The following DMTF1 variants were observed in gnomAD, a reference collection of about 807,000 sequenced individuals.
DMTF1 encodes cyclin D binding myb like transcription factor 1.
In DMTF1, 39 loss-of-function variants were observed where a neutral mutation model predicts 91.1. The observed-to-expected ratio is 0.43, with a 90% CI of 0.33 to 0.56. DMTF1 has a LOEUF of 0.56. DMTF1 is among the 20% of genes least tolerant of loss of function. DMTF1 has a pLI of 0.05. For synonymous variants in DMTF1, 338 were observed against 309.5 expected, an observed-to-expected ratio of 1.09 and a Z score of -0.97; for missense variants, 750 against 914.5, an observed-to-expected ratio of 0.82 and a Z score of 2.32.
chr7:87,184,758 G>A, intron 11 of DMTF1, 133 bp downstream of exon 11: 1 of 792,170 alleles, frequency 1.3e-6, no homozygotes, highest in Non-Finnish European at 2.2e-6. Flanking sequence ...TACTGTTTAA[G>A]ATCTTAAGTA....
At chr7:87,178,142 T>C (rs1796620365) in intron 7 of DMTF1, among the ~76,000 whole-genome samples, 1 of 152,142 alleles carries the variant, frequency 6.6e-6, no homozygotes, top group Admixed American at 6.5e-5. Context: ...TTAGTTCCTC[T>C]TCAGTATCAA....
chr7:87,188,021 A>G (rs1015355729), intron 12 of DMTF1, 71 bp from the exon 13 acceptor site: 2 of 1,249,050 alleles, frequency 1.6e-6, no homozygotes, highest in Admixed American at 3.5e-5. Flanking sequence ...ACCTCCCCCC[A>G]CCTCCCTTGC....
In DMTF1 at chr7:87,172,889, G is replaced by A. The variant is rs530520621; in HGVS notation, c.328-646G>A. 4.2e-4 allele frequency among the ~76,000 whole-genome samples: 64 copies of A among 152,352 alleles called. 1 individual carries two copies. The South Asian group carries it at 0.013, about 30-fold the overall frequency. ...TGGTGGTTGCACAGAAGACTTAGCT[G>A]CATTAAGAATAAGTAGTACCATATA... On this transcript the variant is annotated intron_variant, in intron 5 of 17. Transcript: ENST00000331242.
intron 3 of DMTF1, among the ~76,000 whole-genome samples, chr7:87,165,604 G>C (rs1262423699): frequency 6.6e-6 from 1 of 152,118 alleles, no homozygotes; most frequent in African/African-American, 2.4e-5. Flanking sequence ...TTCAAAGTTA[G>C]GATTTTAAGT....
At chr7:87,160,246 C>T (rs931328423) in intron 1 of DMTF1, among the ~76,000 whole-genome samples, 1 of 149,772 alleles carries the variant, frequency 6.7e-6, no homozygotes, top group East Asian at 1.9e-4. Context: ...AGCTAAACTT[C>T]GTGAAAAAAG....
intron 7 of DMTF1, among the ~76,000 whole-genome samples, chr7:87,177,905 G>A (rs553825678): frequency 5.3e-5 from 8 of 152,242 alleles, no homozygotes; most frequent in African/African-American, 1.9e-4. Flanking sequence ...GTACAGCGCT[G>A]TCTTCAGAAA....
At chr7:87,153,673 A>G (rs1048112347) in intron 1 of DMTF1, among the ~76,000 whole-genome samples, 14 of 152,030 alleles carry the variant, frequency 9.2e-5, no homozygotes, top group African/African-American at 3.4e-4. Context: ...CTCCTTTCTG[A>G]CAGTCGAGGC....
chr7:87,194,152 A>T, intron 16 of DMTF1, 50 bp downstream of exon 16: 1 of 1,505,426 alleles, frequency 6.6e-7, no homozygotes. Flanking sequence ...TTGAGCCTCA[A>T]ACCTGCAGTT....
rs1268936927 is a variant in DMTF1 at position 87,163,484 on chromosome 7, T to G, written c.-131-11T>G. On this transcript the variant is annotated splice_polypyrimidine_tract_variant and intron_variant, in intron 1 of 17. Transcript: ENST00000331242. Reference sequence around the variant, plus strand: ...TAAGCCTTATTGTGTGTAATGCTGTTACTTTTTCAGAGTGTTGCGGAGATA... The same window carrying G: ...TAAGCCTTATTGTGTGTAATGCTGTGACTTTTTCAGAGTGTTGCGGAGATA... 1.3e-5 allele frequency: 2 copies of G among 152,284 alleles called. No homozygotes were observed. Among genetic ancestry groups the G allele is most frequent in the Non-Finnish European group, 2.9e-5 (2 of 68,056 alleles). 9.4% of individuals were successfully genotyped at this position (152,284 alleles called of 1,614,324 possible).
intron 13 of DMTF1, 30 bp downstream of exon 13, chr7:87,188,331 T>G (rs768479803): frequency 1.9e-6 from 3 of 1,610,390 alleles, no homozygotes. Flanking sequence ...GATTCCTTGC[T>G]GTTTGATCTA....
intron 7 of DMTF1, among the ~76,000 whole-genome samples, chr7:87,178,469 TATGA>T (rs1796700028): frequency 6.6e-6 from 1 of 152,108 alleles, no homozygotes; most frequent in Non-Finnish European, 1.5e-5. Context: ...TATTGAATTT[TATGA>T]ATGTTTTTCC....
chr7:87,184,333 G>C lies in DMTF1; in HGVS notation c.821-64G>C, dbSNP rs73206994. ...TACTTCCTATCAGTCCTTGTAAATA[G>C]AGGGCTGAATCAGATTTGTAAAAGA... On this transcript the variant is annotated intron_variant, in intron 10 of 17. Coordinates refer to ENST00000331242, the MANE Select transcript of DMTF1 (RefSeq NM_001142327.2). 0.034 allele frequency: 48,948 copies of C among 1,450,256 alleles called. 944 individuals carry two copies. Among genetic ancestry groups the C allele is most frequent in the East Asian group, 0.058 (2,486 of 42,782 alleles). 89.8% of individuals were successfully genotyped at this position (1,450,256 alleles called of 1,614,324 possible).
chr7:87,195,343 G>A lies in DMTF1; in HGVS notation c.*203G>A, dbSNP rs2129211370. Reference sequence around the variant, plus strand: ...AGGTTGAGTTTTATGACAGTATGTAGTTGAGTGGAGGCTGGGAGTTTTAAG... The same window carrying A: ...AGGTTGAGTTTTATGACAGTATGTAATTGAGTGGAGGCTGGGAGTTTTAAG... On this transcript the variant is annotated 3_prime_UTR_variant, in exon 18 of 18. Coordinates refer to ENST00000331242, the MANE Select transcript of DMTF1 (RefSeq NM_001142327.2). 2.3e-6 allele frequency: 1 copy of A among 437,854 alleles called. No individual in the cohort carries two copies. The highest frequency in any genetic ancestry group is 4.1e-6 in the Non-Finnish European group (1 of 245,246). The allele number at this position is 437,854 out of a possible 1,614,324, so 27.1% of individuals were successfully genotyped here.
intron 12 of DMTF1, chr7:87,187,635 A>C (rs1798754769): frequency 6.1e-6 from 1 of 162,730 alleles, no homozygotes; most frequent in Admixed American, 6.0e-5. Flanking sequence ...CTGCGCAAGA[A>C]TACCATATTA....
At chr7:87,165,392 G>A (rs1039160034) in intron 3 of DMTF1, among the ~76,000 whole-genome samples, 1 of 152,090 alleles carries the variant, frequency 6.6e-6, no homozygotes, top group African/African-American at 2.4e-5. Context: ...TTAAAAAATT[G>A]TACACAATCA....
At chr7:87,166,674 A>G in intron 4 of DMTF1, 69 bp downstream of exon 4, 1 of 1,496,430 alleles carries the variant, frequency 6.7e-7, no homozygotes, top group Non-Finnish European at 9.2e-7. Flanking sequence ...CAAGGCTTTC[A>G]GTTGGCATTT....
chr7:87,169,621 G>C (rs1208202230), intron 4 of DMTF1, among the ~76,000 whole-genome samples: 1 of 151,994 alleles, frequency 6.6e-6, no homozygotes, highest in East Asian at 1.9e-4. Flanking sequence ...TAACTAAACT[G>C]TTTTTCCCAG....
intron 1 of DMTF1, among the ~76,000 whole-genome samples, chr7:87,154,725 A>G (rs931867969): frequency 8.5e-5 from 13 of 152,232 alleles, no homozygotes; most frequent in Non-Finnish European, 2.9e-5. Flanking sequence ...GTGGAGACTC[A>G]TATCAAAAGT....
chr7:87,193,175 A>ACTAT, intron 14 of DMTF1, 23 bp from the exon 15 acceptor site: 1 of 1,611,600 alleles, frequency 6.2e-7, no homozygotes. Context: ...TCATTGTTAA[A>ACTAT]CTATCTTTCC....
Sources: allele counts gnomAD v4.1 joint callset (sites outside exome capture counted in the v4.1 genomes callset), GRCh38; gene constraint gnomAD v4.1.1; transcripts MANE v1.5; gene names NCBI Gene and HGNC (gene_info 2026-07-23, HGNC 2026-07-21).